The following NLRP11 variants were observed in gnomAD, a reference collection of about 807,000 sequenced individuals.
NLRP11 encodes the protein NLR family pyrin domain containing 11.
NLRP11 carries 53 observed loss-of-function variants against 79.3 expected under a neutral mutation model. The ratio of observed to expected loss-of-function variants is 0.67; its 90% confidence interval spans 0.54 to 0.84. The LOEUF (loss-of-function observed/expected upper bound fraction) is 0.84. Among genes scored for constraint, NLRP11 ranks in the 40% least tolerant of loss-of-function variants. The pLI, the probability that NLRP11 is intolerant of heterozygous loss-of-function variation, is 0.00. For missense variants in NLRP11, 1,264 were observed against 1,255.0 expected (o/e 1.01, Z -0.11); for synonymous variants, 518 against 462.6 (o/e 1.12, Z -1.54).
Position 55,792,242 on chromosome 19 carries a change from C to T in NLRP11, c.2513+59G>A, listed in dbSNP as rs190693813. On this transcript the variant is annotated intron_variant, in intron 7 of 9. Coordinates refer to ENST00000589093, the Ensembl canonical transcript of NLRP11. ...AATCTTATCCCTGCCACCAACCCCA[C>T]CACCCAAGCCCTCATGCAGTAGAAA... The T allele has an allele frequency of 2.4e-3, 3,570 of 1,479,820 alleles. 13 individuals are homozygous for T. Among genetic ancestry groups the T allele is most frequent in the Non-Finnish European group, 2.9e-3 (3,046 of 1,067,330 alleles). The allele number at this position is 1,479,820 out of a possible 1,614,324, so 91.7% of individuals were successfully genotyped here. A position where few individuals can be genotyped will look rare whatever the true frequency, so the allele number is the denominator to read the frequency against.
At position 55,807,851 on chromosome 19, in the gene NLRP11, A is replaced by T; in HGVS notation, c.2003+2T>A. The T allele has an allele frequency of 2.5e-6, 4 of 1,603,878 alleles. No homozygotes were observed. The highest frequency in any genetic ancestry group is 2.6e-6 in the Non-Finnish European group (3 of 1,172,514). On this transcript the variant is annotated splice_donor_variant, in intron 4 of 9. Coordinates refer to ENST00000589093, the Ensembl canonical transcript of NLRP11. LOFTEE classifies it high-confidence loss of function. ...TAAGGCAGAGGTTGATATAGTACTTACTTGAGTGTGCGAAGTTTACAGCTA... is the reference window on the plus strand; with the variant it reads ...TAAGGCAGAGGTTGATATAGTACTTTCTTGAGTGTGCGAAGTTTACAGCTA...
At chr19:55,821,485 G>A (rs1215093692) in intron 1 of NLRP11, among the ~76,000 whole-genome samples, 1 of 152,144 alleles carries the variant, frequency 6.6e-6, no homozygotes, top group Non-Finnish European at 1.5e-5. Flanking sequence ...CCAGTCCCAA[G>A]TCATCCCACC....
intron 1 of NLRP11, among the ~76,000 whole-genome samples, chr19:55,823,608 T>C (rs1487269555): frequency 6.9e-6 from 1 of 145,182 alleles, no homozygotes; most frequent in Non-Finnish European, 1.5e-5. Context: ...GAGAACTACG[T>C]GAAGAATGCA....
At position 55,792,479 on chromosome 19, in the gene NLRP11, C is replaced by A. The variant is rs1227744573; in HGVS notation, c.2343-8G>T. On this transcript the variant is annotated splice_region_variant and splice_polypyrimidine_tract_variant and intron_variant, in intron 6 of 9. Coordinates refer to ENST00000589093, the Ensembl canonical transcript of NLRP11. ...AGACAGCAGAAGACTAACCTGCACA[C>A]AGAGAAGAGTGAGTCAGTGACAGTG... The A allele has an allele frequency of 2.5e-6, 4 of 1,613,136 alleles. No homozygotes were observed. Among genetic ancestry groups the A allele is most frequent in the Non-Finnish European group, 3.4e-6 (4 of 1,179,248 alleles).
At chr19:55,810,611 C>T (rs950551237) in intron 2 of NLRP11, among the ~76,000 whole-genome samples, 12 of 152,188 alleles carry the variant, frequency 7.9e-5, no homozygotes, top group Non-Finnish European at 1.6e-4. Flanking sequence ...ATTCTCCTGC[C>T]TCAGCCTCCC....
chr19:55,791,840 G>C (rs1407944820), intron 7 of NLRP11, among the ~76,000 whole-genome samples: 1 of 152,048 alleles, frequency 6.6e-6, no homozygotes, highest in African/African-American at 2.4e-5. Context: ...AGATGTCTTT[G>C]GTAGGTACCA....
chr19:55,800,897 A>G (rs1979413934), intron 5 of NLRP11, among the ~76,000 whole-genome samples: 1 of 152,146 alleles, frequency 6.6e-6, no homozygotes. Flanking sequence ...ATTAGTTTCA[A>G]GGCTGGGCAC....
At chr19:55,806,343 T>C (rs1020418075) in intron 4 of NLRP11, among the ~76,000 whole-genome samples, 1 of 152,214 alleles carries the variant, frequency 6.6e-6, no homozygotes, top group Admixed American at 6.5e-5. Context: ...CTCAAACAAC[T>C]TTAGACTGAC....
chr19:55,785,580 G>A (rs550009991), exon 10 of NLRP11: 8 of 1,551,206 alleles, frequency 5.2e-6, no homozygotes, highest in Non-Finnish European at 2.6e-6. Context: ...TTGCATCCCA[G>A]TCACGGTAGT....
chr19:55,818,523 C>A (rs1339404049), intron 1 of NLRP11, among the ~76,000 whole-genome samples: 1 of 152,208 alleles, frequency 6.6e-6, no homozygotes, highest in East Asian at 1.9e-4. Flanking sequence ...GAGTATCATA[C>A]AGAAACTTTG....
chr19:55,792,381 A>G (rs928234012), exon 7 of NLRP11: 1 of 1,614,040 alleles, frequency 6.2e-7, no homozygotes, highest in Non-Finnish European at 8.5e-7. Flanking sequence ...AGCGATTCAC[A>G]CACAGGTCTA....
intron 9 of NLRP11, among the ~76,000 whole-genome samples, chr19:55,787,548 G>C (rs1051227859): frequency 4.6e-5 from 7 of 152,282 alleles, no homozygotes; most frequent in African/African-American, 1.7e-4. Flanking sequence ...TGTTGGCCAG[G>C]CTGGTCTCAA....
At chr19:55,785,815 T>A (rs753740562) in exon 10 of NLRP11, 181 of 1,614,054 alleles carry the variant, frequency 1.1e-4, no homozygotes, top group Non-Finnish European at 1.5e-4. Context: ...GGGTTTTCTT[T>A]CCTTTACAGT....
intron 5 of NLRP11, among the ~76,000 whole-genome samples, chr19:55,796,757 G>A (rs575695127): frequency 9.9e-5 from 15 of 151,626 alleles, no homozygotes; most frequent in South Asian, 6.3e-4. Context: ...TGCGATCTCG[G>A]CTCACTGCAA....
At position 55,815,136 on chromosome 19, in the gene NLRP11, T is replaced by C. The variant is rs1215180656; in HGVS notation, c.271+2768A>G. On this transcript the variant is annotated intron_variant, in intron 2 of 9. Transcript: ENST00000589093. ...GGTTACAAAAAAAAATCCTTGTAAT[T>C]ATGGAGTATGTAAATATGGGTGACA... 2.0e-5 allele frequency among the ~76,000 whole-genome samples: 3 copies of C among 152,206 alleles called. No homozygotes were observed. In the South Asian group the frequency reaches 6.2e-4, roughly 32 times the overall value.
At chr19:55,823,675 G>T (rs1192180789) in intron 1 of NLRP11, among the ~76,000 whole-genome samples, 1 of 148,930 alleles carries the variant, frequency 6.7e-6, no homozygotes, top group African/African-American at 2.5e-5. Flanking sequence ...AATGGAAGAC[G>T]AAATGAATGA....
intron 2 of NLRP11, among the ~76,000 whole-genome samples, chr19:55,815,090 TAGAC>T (rs71994815): frequency 0.22 from 33,825 of 151,786 alleles, 5,749 homozygotes; most frequent in African/African-American, 0.48. Flanking sequence ...ATAGAGAACA[TAGAC>T]AGAAAGATCA....
chr19:55,792,278 C>T, intron 7 of NLRP11, 23 bp downstream of exon 7: 3 of 1,608,322 alleles, frequency 1.9e-6, no homozygotes, highest in Non-Finnish European at 8.5e-7. Context: ...CACAGTCATC[C>T]AGGACAACTG....
chr19:55,831,808 CAG>C (rs1004126104), intron 1 of NLRP11, among the ~76,000 whole-genome samples, 153 bp downstream of exon 1: 2 of 149,934 alleles, frequency 1.3e-5, no homozygotes, highest in African/African-American at 4.9e-5. Context: ...AAAAAGGTAA[CAG>C]AGCTTGGCCT....
Sources: gnomAD v4.1 joint callset for allele counts (sites outside exome capture counted in the v4.1 genomes callset) on GRCh38, gnomAD v4.1.1 for gene constraint, MANE v1.5 for transcripts, NCBI Gene and HGNC (gene_info 2026-07-23, HGNC 2026-07-21) for gene names.